HTR1E: variants seen among roughly 807,000 people sequenced by gnomAD.
HTR1E encodes 5-hydroxytryptamine receptor 1E.
HTR1E carries 3 observed loss-of-function variants against 3.4 expected under a neutral mutation model. The ratio of observed to expected loss-of-function variants is 0.89; its 90% confidence interval spans 0.41 to 2.31. The LOEUF (loss-of-function observed/expected upper bound fraction) is 2.31. Ranked by LOEUF, HTR1E falls within the 30% of genes most tolerant of loss-of-function variation. The pLI is 0.05. For missense variants in HTR1E, 392 were observed against 467.0 expected (o/e 0.84, Z 1.48); for synonymous variants, 170 against 182.8 (o/e 0.93, Z 0.56).
chr6:86,971,601 CAAA>C (rs199973199), intron 1 of HTR1E, among the ~76,000 whole-genome samples: 4 of 104,448 alleles, frequency 3.8e-5, no homozygotes, highest in Admixed American at 9.4e-5. Flanking sequence ...CCTCCAGTGG[CAAA>C]AAAAAAAAAA....
intron 1 of HTR1E, among the ~76,000 whole-genome samples, chr6:86,995,292 T>TAATTAATA (rs71553488): frequency 1.4e-5 from 2 of 144,074 alleles, no homozygotes; most frequent in South Asian, 2.2e-4. Flanking sequence ...CTCTATAATA[T>TAATTAATA]AATAAATAAA....
At chr6:87,013,810 A>G (rs1055516444) in intron 1 of HTR1E, among the ~76,000 whole-genome samples, 1 of 152,132 alleles carries the variant, frequency 6.6e-6, no homozygotes, top group African/African-American at 2.4e-5. Flanking sequence ...AAAACAAACA[A>G]CCCCATCAAA....
At chr6:86,944,080 G>A (rs1768582932) in intron 1 of HTR1E, among the ~76,000 whole-genome samples, 2 of 152,208 alleles carry the variant, frequency 1.3e-5, no homozygotes, top group South Asian at 2.1e-4. Flanking sequence ...GCTACCACAT[G>A]GACCTCTCTA....
intron 1 of HTR1E, among the ~76,000 whole-genome samples, chr6:86,943,397 A>C (rs1400549086): frequency 6.6e-6 from 1 of 152,200 alleles, no homozygotes; most frequent in Non-Finnish European, 1.5e-5. Flanking sequence ...GTGGCAGTGA[A>C]GCACAGGCCC....
intron 1 of HTR1E, among the ~76,000 whole-genome samples, chr6:86,982,772 G>A (rs1767732375): frequency 1.3e-5 from 2 of 152,300 alleles, no homozygotes; most frequent in East Asian, 1.9e-4. Context: ...ATGAGACTGG[G>A]TAATTTGAAT....
chr6:86,974,183 C>T (rs2127823774), intron 1 of HTR1E, among the ~76,000 whole-genome samples: 1 of 152,226 alleles, frequency 6.6e-6, no homozygotes, highest in Middle Eastern at 3.4e-3. Flanking sequence ...CTTTTTTAAA[C>T]CACTTGAGAG....
chr6:87,004,066 C>T (rs1054337149), intron 1 of HTR1E, among the ~76,000 whole-genome samples: 4 of 152,078 alleles, frequency 2.6e-5, no homozygotes, highest in Non-Finnish European at 5.9e-5. Flanking sequence ...AAGCATAAAT[C>T]CAAAACCTGA....
chr6:87,010,500 A>G (rs1768207201), intron 1 of HTR1E, among the ~76,000 whole-genome samples: 3 of 132,118 alleles, frequency 2.3e-5, no homozygotes, highest in South Asian at 2.5e-4. Context: ...CGCTCCTCAC[A>G]TCCCAGATGG....
chr6:86,940,640 A>G (rs548018721), intron 1 of HTR1E, among the ~76,000 whole-genome samples: 1 of 152,280 alleles, frequency 6.6e-6, no homozygotes, highest in Admixed American at 6.5e-5. Context: ...CTAATTCCCT[A>G]CATCTCACTT....
At chr6:87,005,236 A>C (rs1768084093) in intron 1 of HTR1E, among the ~76,000 whole-genome samples, 1 of 152,170 alleles carries the variant, frequency 6.6e-6, no homozygotes, top group African/African-American at 2.4e-5. Context: ...TGGAAAAAAT[A>C]ATCTTAAAAT....
intron 1 of HTR1E, among the ~76,000 whole-genome samples, chr6:87,010,798 G>C (rs1308655257): frequency 6.6e-6 from 1 of 151,758 alleles, no homozygotes; most frequent in African/African-American, 2.4e-5. Flanking sequence ...AAGGCAGGCG[G>C]CTGCTCCTTG....
intron 1 of HTR1E, among the ~76,000 whole-genome samples, chr6:86,998,962 CTTAT>C (rs891012769): frequency 1.1e-4 from 17 of 151,952 alleles, no homozygotes; most frequent in African/African-American, 3.9e-4. Flanking sequence ...TTTGTTTTCA[CTTAT>C]TTGTTTATTT....
intron 1 of HTR1E, among the ~76,000 whole-genome samples, chr6:86,993,040 C>G (rs1767892217): frequency 6.6e-6 from 1 of 152,080 alleles, no homozygotes; most frequent in Non-Finnish European, 1.5e-5. Flanking sequence ...CATCCAATAG[C>G]TAGATGGAGA....
chr6:87,000,903 G>A (rs946619739), intron 1 of HTR1E, among the ~76,000 whole-genome samples: 4 of 152,180 alleles, frequency 2.6e-5, no homozygotes, highest in Admixed American at 6.5e-5. Context: ...GAAAGATTAA[G>A]AGATAATCTA....
chr6:86,970,578 A>G, intron 1 of HTR1E: 1 of 163,406 alleles, frequency 6.1e-6, no homozygotes, highest in Admixed American at 6.0e-5. Context: ...GTGCTTGTAA[A>G]GGCAAGGAGA....
At chr6:86,976,307 G>A (rs1227175629) in intron 1 of HTR1E, among the ~76,000 whole-genome samples, 3 of 152,188 alleles carry the variant, frequency 2.0e-5, no homozygotes, top group African/African-American at 7.2e-5. Flanking sequence ...GTGGCATTCA[G>A]GAGAGTCTGA....
At chr6:86,980,393 A>AAAAAAAAG (rs1562066558) in intron 1 of HTR1E, among the ~76,000 whole-genome samples, 17 of 149,790 alleles carry the variant, frequency 1.1e-4, no homozygotes, top group South Asian at 2.1e-4. Context: ...TCTCAAAAAA[A>AAAAAAAAG]AAAAAAAGAA....
intron 1 of HTR1E, among the ~76,000 whole-genome samples, chr6:87,005,220 C>A (rs1768083894): frequency 6.6e-6 from 1 of 151,958 alleles, no homozygotes; most frequent in South Asian, 2.1e-4. Flanking sequence ...ACATTGTGCA[C>A]AGAAATGGAA....
intron 1 of HTR1E, among the ~76,000 whole-genome samples, chr6:86,967,222 G>A (rs1343746741): frequency 6.6e-6 from 1 of 151,898 alleles, no homozygotes; most frequent in East Asian, 1.9e-4. Flanking sequence ...ACAGCAACTG[G>A]GAAGACTATA....
Sources: gnomAD v4.1 joint callset for allele counts (sites outside exome capture counted in the v4.1 genomes callset) on GRCh38, gnomAD v4.1.1 for gene constraint, MANE v1.5 for transcripts, NCBI Gene and HGNC (gene_info 2026-07-23, HGNC 2026-07-21) for gene names.